PARVB: variants seen among roughly 807,000 people sequenced by gnomAD.
PARVB encodes beta-parvin.
PARVB carries 46 observed loss-of-function variants against 47.0 expected under a neutral mutation model. That is an observed-to-expected ratio of 0.98 (90% CI 0.77 to 1.25). The LOEUF is 1.25. Ranked by LOEUF, PARVB falls within the 50% of genes most tolerant of loss-of-function variation. The probability of loss-of-function intolerance (pLI) is 0.00; values close to 1 mark genes in which losing one functional copy is unlikely to be tolerated. For synonymous variants in PARVB, 196 were observed against 196.3 expected (o/e 1.00, Z 0.01); for missense variants, 473 against 471.6 (o/e 1.00, Z -0.03).
chr22:44,160,972 GGA>G (rs1289617243), intron 11 of PARVB, among the ~76,000 whole-genome samples: 1 of 152,162 alleles, frequency 6.6e-6, no homozygotes, highest in Non-Finnish European at 1.5e-5. Context: ...GAGGTGCACG[GGA>G]GAGGCACGTG....
At chr22:44,116,624 G>A (rs559112967) in intron 3 of PARVB, among the ~76,000 whole-genome samples, 128 of 152,330 alleles carry the variant, frequency 8.4e-4, no homozygotes, top group African/African-American at 2.8e-3. Context: ...CAGACAAGCC[G>A]GTCATAGCTT....
intron 1 of PARVB, among the ~76,000 whole-genome samples, chr22:44,037,001 A>G (rs1311973429): frequency 6.6e-6 from 1 of 151,894 alleles, no homozygotes; most frequent in Non-Finnish European, 1.5e-5. Flanking sequence ...TAATCATAAT[A>G]AAGATAATCT....
Position 44,068,981 on chromosome 22 carries a change from C to T in PARVB, c.113-24947C>T, listed in dbSNP as rs1004035704. On this transcript the variant is annotated intron_variant, in intron 1 of 12. Coordinates refer to ENST00000338758, the MANE Select transcript of PARVB (RefSeq NM_013327.5). This position sits in a 1 kb window ranked among gnomAD's most constrained non-coding sequence, Gnocchi z 4.1. ...TATCGCTGGAAACACCCCGGTCCTT[C>T]CACAGCCTGACCCTCTGTGACCTTC... The T allele has an allele frequency of 2.9e-6, 2 of 687,264 alleles. No homozygotes were observed. The highest frequency in any genetic ancestry group is 3.6e-5 in the African/African-American group (2 of 55,488). 42.6% of individuals were successfully genotyped at this position (687,264 alleles called of 1,614,324 possible).
intron 11 of PARVB, among the ~76,000 whole-genome samples, chr22:44,161,308 CTTTT>C (rs769442547): frequency 7.8e-5 from 10 of 128,698 alleles, no homozygotes; most frequent in African/African-American, 1.5e-4. Context: ...TTTTTCTTTT[CTTTT>C]TTTTTTTTTT....
At chr22:44,130,403 C>CT (rs1181499823) in intron 4 of PARVB, among the ~76,000 whole-genome samples, 3 of 152,188 alleles carry the variant, frequency 2.0e-5, no homozygotes, top group Non-Finnish European at 4.4e-5. Context: ...TGGCCGGCAC[C>CT]TGCCAGTACC....
intron 1 of PARVB, among the ~76,000 whole-genome samples, chr22:44,036,090 C>G (rs2050918559): frequency 1.3e-5 from 2 of 152,010 alleles, no homozygotes; most frequent in Admixed American, 1.3e-4. Flanking sequence ...AACCTTGTCT[C>G]TACTAAAAAG....
At chr22:44,116,571 C>T (rs749780048) in intron 3 of PARVB, among the ~76,000 whole-genome samples, 3 of 152,240 alleles carry the variant, frequency 2.0e-5, no homozygotes, top group Non-Finnish European at 2.9e-5. Flanking sequence ...CCTTACAGAG[C>T]TCTGGCGCCA....
chr22:44,118,258 A>G lies in PARVB; in HGVS notation c.274-780A>G, dbSNP rs187791166. Among the ~76,000 whole-genome samples, 10 of 152,364 alleles carry G rather than the reference A, an allele frequency of 6.6e-5. No homozygotes were observed. In the East Asian group the frequency reaches 1.2e-3, roughly 18 times the overall value. On this transcript the variant is annotated intron_variant, in intron 3 of 12. Transcript: ENST00000338758. ...AAGAAGGACGGAAACATGCTATAAC[A>G]TGGATGAACCTTGAAAACATGCTCA...
chr22:44,151,615 C>A, intron 10 of PARVB, 64 bp downstream of exon 10: 2 of 1,284,152 alleles, frequency 1.6e-6, no homozygotes, highest in Non-Finnish European at 2.3e-6. Context: ...TGTTTTGATC[C>A]CAGGTGGGGC....
At chr22:44,016,296 C>T (rs981616325) in intron 2 of PARVB, among the ~76,000 whole-genome samples, 28 of 151,938 alleles carry the variant, frequency 1.8e-4, no homozygotes, top group Admixed American at 1.4e-3. Flanking sequence ...CGGGGTTTCA[C>T]CGTGTTAGCC....
chr22:44,091,460 A>G (rs2052165223), intron 1 of PARVB, among the ~76,000 whole-genome samples: 1 of 151,970 alleles, frequency 6.6e-6, no homozygotes, highest in Non-Finnish European at 1.5e-5. Flanking sequence ...CTCTGCCATC[A>G]TTCAACACTA....
chr22:44,112,022 C>G (rs768213587), intron 3 of PARVB: 84 of 151,744 alleles, frequency 5.5e-4, no homozygotes, highest in Admixed American at 1.3e-3. Context: ...ATCAGCATGG[C>G]GAGAGAGTGG....
chr22:44,140,211 G>A, intron 8 of PARVB, 68 bp downstream of exon 8: 3 of 1,485,018 alleles, frequency 2.0e-6, no homozygotes, highest in East Asian at 2.3e-5. Flanking sequence ...CTCCCAGAGA[G>A]TGTACATGGT....
chr22:44,065,201 C>A (rs940855177), intron 1 of PARVB, among the ~76,000 whole-genome samples: 1 of 152,030 alleles, frequency 6.6e-6, no homozygotes, highest in African/African-American at 2.4e-5. Flanking sequence ...CTTCGTCTTC[C>A]CCAGATGAAT....
intron 4 of PARVB, among the ~76,000 whole-genome samples, chr22:44,121,827 T>A (rs937134384): frequency 2.0e-5 from 3 of 152,194 alleles, no homozygotes; most frequent in African/African-American, 7.2e-5. Flanking sequence ...TATTCCAGTC[T>A]CCAGGGAGAA....
intron 3 of PARVB, chr22:44,115,505 C>T (rs1336606980): frequency 7.6e-5 from 3 of 39,690 alleles, no homozygotes; most frequent in African/African-American, 5.2e-4. Context: ...GGCCCTGCAC[C>T]AGAACGGATA....
chr22:44,054,296 A>C (rs116338023), intron 1 of PARVB, among the ~76,000 whole-genome samples: 4 of 152,040 alleles, frequency 2.6e-5, no homozygotes, highest in Non-Finnish European at 5.9e-5. Flanking sequence ...GCTCACTGCA[A>C]CCTCACCTCT....
chr22:44,095,440 G>A (rs2052279849), intron 2 of PARVB, among the ~76,000 whole-genome samples: 1 of 151,852 alleles, frequency 6.6e-6, no homozygotes, highest in East Asian at 1.9e-4. Context: ...GGATTGGGAT[G>A]TTGCAGTGAG....
intron 2 of PARVB, among the ~76,000 whole-genome samples, chr22:44,000,239 AGATT>A (rs2050400798): frequency 6.6e-6 from 1 of 152,218 alleles, no homozygotes; most frequent in Non-Finnish European, 1.5e-5. Context: ...TTAACACCAG[AGATT>A]GATTGTTTTG....
Sources: gnomAD v4.1 joint callset for allele counts (sites outside exome capture counted in the v4.1 genomes callset) on GRCh38, gnomAD v4.1.1 for gene constraint, Gnocchi (gnomAD v3.1) non-coding constraint, MANE v1.5 for transcripts, NCBI Gene and HGNC (gene_info 2026-07-23, HGNC 2026-07-21) for gene names.